The following BAG3 variants were observed in gnomAD, a reference collection of about 807,000 sequenced individuals.
The protein encoded by BAG3 is BAG cochaperone 3.
In BAG3, 14 loss-of-function variants were observed where a neutral mutation model predicts 40.5. That is an observed-to-expected ratio of 0.35 (90% CI 0.23 to 0.54). The LOEUF (loss-of-function observed/expected upper bound fraction) is 0.54, where lower values mean the gene tolerates loss of function less well. BAG3 is among the 20% of genes least tolerant of loss of function. The pLI is 0.91. For synonymous variants in BAG3, 302 were observed against 307.8 expected (o/e 0.98, Z 0.20); for missense variants, 788 against 758.6 (o/e 1.04, Z -0.46).
Position 119,672,293 on chromosome 10 carries a change from ATCCTCC to A in BAG3, c.549_554del (p.Ser184_Ser185del). On this transcript the variant is annotated inframe_deletion, in exon 3 of 4. Transcript: ENST00000369085. The surrounding 1 kb of genome is among the most constrained non-coding windows in gnomAD (Gnocchi z 4.8). Reference sequence around the variant, plus strand: ...CAGCTGCCTCTGACTGCTCATCCTCATCCTCCTCGGCCAGCCTGCCTTCCTCCGGCA... The same window carrying A: ...CAGCTGCCTCTGACTGCTCATCCTCATCGGCCAGCCTGCCTTCCTCCGGCA... The A allele has an allele frequency of 6.2e-7, 1 of 1,613,854 alleles. No individual in the cohort carries two copies. The highest frequency in any genetic ancestry group is 8.5e-7 in the Non-Finnish European group (1 of 1,180,006).
At position 119,677,571 on chromosome 10, in the gene BAG3, T is replaced by C. The variant is rs1314088395; in HGVS notation, c.*289T>C. On this transcript the variant is annotated 3_prime_UTR_variant, in exon 4 of 4. Transcript: ENST00000369085. ...GGGCACCCCCACCACCTGTTAGCTG[T>C]GGTTGTGCACTGTCTTTTGTAGCTC... 6.0e-6 allele frequency: 3 copies of C among 499,710 alleles called. No individual in the cohort carries two copies. In the East Asian group the frequency reaches 1.1e-4, roughly 19 times the overall value. The allele number at this position is 499,710 out of a possible 1,614,324, so 31.0% of individuals were successfully genotyped here.
intron 3 of BAG3, among the ~76,000 whole-genome samples, chr10:119,675,879 C>CCCTTCCTT (rs1352972779): frequency 9.5e-4 from 16 of 16,912 alleles, no homozygotes; most frequent in Non-Finnish European, 2.0e-3. Flanking sequence ...CCCCCTTCTC[C>CCCTTCCTT]CCTTCCTTCC....
chr10:119,673,860 A>G (rs1847184859), intron 3 of BAG3, among the ~76,000 whole-genome samples: 1 of 152,244 alleles, frequency 6.6e-6, no homozygotes, highest in Non-Finnish European at 1.5e-5. Context: ...ACTGTTTGAA[A>G]ATTAATTGCA....
At chr10:119,656,378 CT>C (rs34602155) in intron 1 of BAG3, among the ~76,000 whole-genome samples, 6,296 of 126,814 alleles carry the variant, frequency 0.05, 97 homozygotes, top group South Asian at 0.16. Flanking sequence ...AGCTGGCCTT[CT>C]TTTTTTTTTT....
chr10:119,652,736 AACTG>A (rs745832880), intron 1 of BAG3, among the ~76,000 whole-genome samples: 3 of 152,234 alleles, frequency 2.0e-5, no homozygotes, highest in Non-Finnish European at 2.9e-5. Flanking sequence ...GTACACAAAT[AACTG>A]ACTAATGATA....
At chr10:119,652,288 C>T (rs778311668) in intron 1 of BAG3, among the ~76,000 whole-genome samples, 1 of 152,200 alleles carries the variant, frequency 6.6e-6, no homozygotes, top group Non-Finnish European at 1.5e-5. Context: ...GCGCACCCTG[C>T]TGACCGCGGA....
At chr10:119,654,642 C>T (rs1435524972) in intron 1 of BAG3, among the ~76,000 whole-genome samples, 2 of 152,222 alleles carry the variant, frequency 1.3e-5, no homozygotes, top group Non-Finnish European at 2.9e-5. Context: ...CTGGGCCTCC[C>T]CACCTGCAGT....
At chr10:119,668,882 T>TAG in intron 1 of BAG3, among the ~76,000 whole-genome samples, 1 of 152,300 alleles carries the variant, frequency 6.6e-6, no homozygotes, top group South Asian at 2.1e-4. Context: ...CAGTCATGGG[T>TAG]AGAGACTGGG....
At chr10:119,664,976 T>C (rs1847038481) in intron 1 of BAG3, among the ~76,000 whole-genome samples, 1 of 151,686 alleles carries the variant, frequency 6.6e-6, no homozygotes, top group Non-Finnish European at 1.5e-5. Context: ...TAGAGTGCAA[T>C]GGTGTGATCT....
Position 119,651,530 on chromosome 10 carries a change from C to A in BAG3, c.-146C>A. The A allele has an allele frequency of 1.5e-6, 1 of 671,944 alleles. No homozygotes were observed. 41.6% of individuals were successfully genotyped at this position (671,944 alleles called of 1,614,324 possible). On this transcript the variant is annotated 5_prime_UTR_variant, in exon 1 of 4. Transcript: ENST00000369085. ...CACCCCTCTCTGGCCACGTCACCCC[C>A]GCCTTTAATTCATAAAGGTGCCCGG... is the stretch of plus-strand genomic sequence containing the variant.
chr10:119,659,405 A>T (rs1284472553), intron 1 of BAG3, among the ~76,000 whole-genome samples: 1 of 152,162 alleles, frequency 6.6e-6, no homozygotes, highest in Non-Finnish European at 1.5e-5. Flanking sequence ...AGCCCACCTT[A>T]CTGAGGGGCC....
Position 119,677,216 on chromosome 10 carries a change from C to CACAG in BAG3, c.1663_1666dup (p.Ala556AspfsTer17), listed in dbSNP as rs1273311196. 1.2e-6 allele frequency: 2 copies of CACAG among 1,614,134 alleles called. No individual in the cohort carries two copies. The highest frequency in any genetic ancestry group is 1.7e-6 in the Non-Finnish European group (2 of 1,180,040). On this transcript the variant is annotated frameshift_variant, in exon 4 of 4. Transcript: ENST00000369085. LOFTEE classifies it low-confidence loss of function (END_TRUNC). The stretch of plus-strand genomic sequence containing the variant: ...ACACAGAAACCCAGCAGCCAGAAGC[C>CACAG]ACAGCAGCAGCGACTTCAAACCCCA...
intron 1 of BAG3, among the ~76,000 whole-genome samples, chr10:119,654,476 C>T (rs764784215): frequency 1.3e-5 from 2 of 152,202 alleles, no homozygotes; most frequent in Admixed American, 6.5e-5. Flanking sequence ...CTTCTACTGC[C>T]GTCTTGCAGT....
In BAG3 at chr10:119,676,582, G is replaced by C. The variant is rs774085746; in HGVS notation, c.1028G>C (p.Arg343Pro). ...PPGHIPIQVIRKEVDSKPVSQ... is the reference protein window; with the variant it reads ...PPGHIPIQVIPKEVDSKPVSQ... ...GGACACATCCCAATTCAAGTGATCCGCAAAGAGGTGGATTCTAAACCTGTT... is the reference window on the plus strand; with the variant it reads ...GGACACATCCCAATTCAAGTGATCCCCAAAGAGGTGGATTCTAAACCTGTT... Residue 343 changes from arginine to proline, a missense_variant, in exon 4 of 4, where the codon CGC (arginine) becomes CCC (proline). Arg to Pro is a moderately radical substitution (Grantham distance 103). Coordinates refer to ENST00000369085, the MANE Select transcript of BAG3 (RefSeq NM_004281.4). 2 of 1,613,910 alleles carry C rather than the reference G, an allele frequency of 1.2e-6. No homozygotes were observed. The highest frequency in any genetic ancestry group is 1.7e-6 in the Non-Finnish European group (2 of 1,180,016).
intron 1 of BAG3, among the ~76,000 whole-genome samples, chr10:119,657,164 C>T (rs190787358): frequency 1.4e-3 from 215 of 152,284 alleles, no homozygotes; most frequent in Non-Finnish European, 2.7e-3. Context: ...GGGCCCGACT[C>T]TTTACTCACT....
At chr10:119,668,942 A>C (rs1157735407) in intron 1 of BAG3, among the ~76,000 whole-genome samples, 1 of 152,210 alleles carries the variant, frequency 6.6e-6, no homozygotes, top group Non-Finnish European at 1.5e-5. Context: ...GTCAAGGAGC[A>C]GTGTGGATGG....
chr10:119,651,423 G>T lies in BAG3; in HGVS notation c.-253G>T, dbSNP rs1383955504. On this transcript the variant is annotated 5_prime_UTR_variant, in exon 1 of 4. Transcript: ENST00000369085. Reference sequence around the variant, plus strand: ...CGGCCAACTTCTCTGGACTGGACCAGAAGTTTCTAGCCGGCCAGTTGCTAC... The same window carrying T: ...CGGCCAACTTCTCTGGACTGGACCATAAGTTTCTAGCCGGCCAGTTGCTAC... The T allele has an allele frequency of 7.6e-6, 3 of 392,852 alleles. No homozygotes were observed. Among genetic ancestry groups the T allele is most frequent in the East Asian group, 8.6e-5 (2 of 23,180 alleles). 24.3% of individuals were successfully genotyped at this position (392,852 alleles called of 1,614,324 possible). A position where few individuals can be genotyped will look rare whatever the true frequency, so the allele number is the denominator to read the frequency against.
At chr10:119,655,939 C>A (rs1846903559) in intron 1 of BAG3, among the ~76,000 whole-genome samples, 1 of 152,154 alleles carries the variant, frequency 6.6e-6, no homozygotes, top group Admixed American at 6.5e-5. Flanking sequence ...TGGATGCTAT[C>A]AGGGCTGCTT....
chr10:119,676,423 C>T, intron 3 of BAG3, 41 bp from the exon 4 acceptor site: 4 of 1,597,296 alleles, frequency 2.5e-6, no homozygotes, highest in Non-Finnish European at 2.6e-6. Flanking sequence ...CTGTGACTTT[C>T]AGTCAGTTAT....
Sources: gnomAD v4.1 joint callset for allele counts (sites outside exome capture counted in the v4.1 genomes callset) on GRCh38, gnomAD v4.1.1 for gene constraint, Gnocchi (gnomAD v3.1) non-coding constraint, MANE v1.5 for transcripts, NCBI Gene and HGNC (gene_info 2026-07-23, HGNC 2026-07-21) for gene names.